BBIP1: variants seen among roughly 807,000 people sequenced by gnomAD.
The protein encoded by BBIP1 is BBSome interacting protein 1, also known as BBSome-interacting protein 1.
A neutral mutation model predicts 8.9 loss-of-function variants in BBIP1; 6 were observed. The ratio of observed to expected loss-of-function variants is 0.67; its 90% CI spans 0.37 to 1.33. The LOEUF (loss-of-function observed/expected upper bound fraction) is 1.33. BBIP1 is among the 40% of genes most tolerant of loss of function. BBIP1 has a pLI of 0.02. For synonymous variants in BBIP1, 32 were observed against 33.4 expected (o/e 0.96, Z 0.14); for missense variants, 111 against 109.2 (o/e 1.02, Z -0.07).
chr10:110,915,454 C>A (rs1846380609), intron 2 of BBIP1, among the ~76,000 whole-genome samples: 1 of 152,070 alleles, frequency 6.6e-6, no homozygotes, highest in African/African-American at 2.4e-5. Context: ...GCAGCCGGAC[C>A]CTAACTTTTA....
intron 1 of BBIP1, among the ~76,000 whole-genome samples, chr10:110,918,641 C>G (rs758744594): frequency 6.6e-6 from 1 of 152,262 alleles, no homozygotes; most frequent in Non-Finnish European, 1.5e-5. Flanking sequence ...CCCGGCCGGG[C>G]TGCCTCTGGC....
intron 2 of BBIP1, chr10:110,907,994 A>T: frequency 1.9e-6 from 1 of 520,902 alleles, no homozygotes; most frequent in Non-Finnish European, 3.4e-6. Context: ...CAATCATGGG[A>T]CCAGTATTGC....
intron 2 of BBIP1, chr10:110,912,087 A>G (rs1055505886): frequency 3.3e-5 from 5 of 152,146 alleles, no homozygotes; most frequent in African/African-American, 9.7e-5. Context: ...TTCTTCCTCT[A>G]TAGTTTGGGA....
intron 2 of BBIP1, 92 bp downstream of exon 2, chr10:110,918,029 G>A (rs1846466435): frequency 9.0e-7 from 1 of 1,116,082 alleles, no homozygotes; most frequent in Non-Finnish European, 1.3e-6. Context: ...TTTGGCTGGC[G>A]TGTAAGTACT....
intron 2 of BBIP1, among the ~76,000 whole-genome samples, chr10:110,916,293 G>A (rs1846399488): frequency 1.3e-5 from 2 of 152,108 alleles, no homozygotes; most frequent in African/African-American, 4.8e-5. Context: ...TCCCTTATGT[G>A]CAGTTTTTTC....
intron 2 of BBIP1, chr10:110,912,042 G>A (rs940911514): frequency 7.9e-5 from 12 of 151,914 alleles, no homozygotes; most frequent in Admixed American, 7.2e-4. Context: ...TGAGGTAGAC[G>A]AAAAAATAAG....
chr10:110,914,503 CAT>C (rs1238134012), intron 2 of BBIP1, among the ~76,000 whole-genome samples: 2 of 151,908 alleles, frequency 1.3e-5, no homozygotes, highest in African/African-American at 2.4e-5. Context: ...TTTCAGCAAA[CAT>C]AAAGTAGTAA....
chr10:110,918,005 CAA>C (rs1846465373), intron 2 of BBIP1, 114 bp downstream of exon 2: 1 of 859,206 alleles, frequency 1.2e-6, no homozygotes, highest in African/African-American at 1.7e-5. Context: ...AGCAAAGAAA[CAA>C]GAGTAGTTCA....
intron 2 of BBIP1, among the ~76,000 whole-genome samples, chr10:110,908,683 A>G (rs774418087): frequency 3.3e-5 from 5 of 152,158 alleles, no homozygotes; most frequent in Non-Finnish European, 7.4e-5. Flanking sequence ...TGTGTCAGGT[A>G]CAGATGATGG....
Position 110,915,704 on chromosome 10 carries a change from AT to A in BBIP1, c.37+2416del, listed in dbSNP as rs896124701. ...CTTAACAGTTTTAAGGCTCGTTTTA[AT>A]TTTTTTTTTCTTTTTTGAGACAGGG... On this transcript the variant is annotated intron_variant, in intron 2 of 3. Transcript: ENST00000448814. Among the ~76,000 whole-genome samples, 158 of 148,742 alleles carry A rather than the reference AT, an allele frequency of 1.1e-3. 2 individuals carry two copies. The highest frequency in any genetic ancestry group is 1.7e-3 in the Admixed American group (26 of 14,954).
intron 2 of BBIP1, chr10:110,907,515 G>GAAAAA (rs34559519): frequency 6.9e-5 from 25 of 360,820 alleles, no homozygotes; most frequent in African/African-American, 1.3e-4. Flanking sequence ...CTTGTCTCAA[G>GAAAAA]AAAAAAAAAA....
At chr10:110,901,033 C>T in intron 3 of BBIP1, 1 of 393,714 alleles carries the variant, frequency 2.5e-6, no homozygotes, top group South Asian at 1.9e-5. Context: ...TACCTGTTAT[C>T]CCAGCACTTT....
At chr10:110,907,538 A>G (rs1846175101) in intron 2 of BBIP1, 2 of 495,698 alleles carry the variant, frequency 4.0e-6, no homozygotes, top group African/African-American at 4.0e-5. Flanking sequence ...AAAGAAAAGA[A>G]AAGAAAGAAA....
chr10:110,904,017 T>C (rs1357786454), intron 2 of BBIP1: 1 of 152,206 alleles, frequency 6.6e-6, no homozygotes, highest in African/African-American at 2.4e-5. Flanking sequence ...CTGATCACGT[T>C]GGTATACAGA....
chr10:110,905,927 G>C (rs1411472376), intron 2 of BBIP1, among the ~76,000 whole-genome samples: 1 of 151,412 alleles, frequency 6.6e-6, no homozygotes, highest in African/African-American at 2.4e-5. Context: ...TTTTAAGTTA[G>C]AAGTTTTATA....
chr10:110,905,182 ACT>A (rs1444145438), intron 2 of BBIP1, among the ~76,000 whole-genome samples: 5 of 152,186 alleles, frequency 3.3e-5, no homozygotes, highest in Admixed American at 6.5e-5. Flanking sequence ...GAAATATTTT[ACT>A]CTGTTTTAGG....
chr10:110,901,605 G>A lies in BBIP1; in HGVS notation c.45C>T (p.Asn15=). ...CCATATCTGAGTTGTTGGATATAGT[G>A]TTTTTTCCTTCAATGAGAAATCAGT... The part of the protein sequence containing the change: ...AAKRPELSGK[N]TISNNSDMAE... The change falls in exon 3 of 4, where the codon AAC becomes AAT. Residue 15 remains asparagine, a synonymous_variant. Transcript: ENST00000448814. 1 of 1,534,348 alleles carries A rather than the reference G, an allele frequency of 6.5e-7. No homozygotes were observed. The highest frequency in any genetic ancestry group is 8.7e-7 in the Non-Finnish European group (1 of 1,145,342).
Position 110,906,791 on chromosome 10 carries a change from C to G in BBIP1, c.38-5179G>C, listed in dbSNP as rs192007929. 2.0e-3 allele frequency: 310 copies of G among 152,394 alleles called. 1 individual carries two copies. Among genetic ancestry groups the G allele is most frequent in the African/African-American group, 7.2e-3 (300 of 41,556 alleles). 9.4% of individuals were successfully genotyped at this position (152,394 alleles called of 1,614,324 possible). ...GCCAGGCTGGTCTCGAACTTCTGAC[C>G]TCAAGTGATCCGCCCCCGTTGGCCT... is the stretch of plus-strand genomic sequence containing the variant. On this transcript the variant is annotated intron_variant, in intron 2 of 3. Transcript: ENST00000448814.
At chr10:110,917,010 C>T (rs564583136) in intron 2 of BBIP1, among the ~76,000 whole-genome samples, 17 of 152,090 alleles carry the variant, frequency 1.1e-4, no homozygotes, top group African/African-American at 3.6e-4. Context: ...GTGACATATC[C>T]TTGCAAAAAA....
Sources: gnomAD v4.1 joint callset for allele counts (sites outside exome capture counted in the v4.1 genomes callset) on GRCh38, gnomAD v4.1.1 for gene constraint, MANE v1.5 for transcripts, NCBI Gene and HGNC (gene_info 2026-07-23, HGNC 2026-07-21) for gene names.